UBE2D4: variants seen among roughly 807,000 people sequenced by gnomAD.
UBE2D4 encodes the protein ubiquitin-conjugating enzyme E2 D4.
A neutral mutation model predicts 23.0 loss-of-function variants in UBE2D4; 17 were observed. The observed-to-expected ratio is 0.74, with a 90% CI of 0.51 to 1.11. The LOEUF (loss-of-function observed/expected upper bound fraction) is 1.11, where lower values mean the gene tolerates loss of function less well. Among genes scored for constraint, UBE2D4 ranks in the 50% least tolerant of loss-of-function variants. The probability of loss-of-function intolerance (pLI) is 0.00; values close to 1 mark genes in which losing one functional copy is unlikely to be tolerated. For missense variants in UBE2D4, 139 were observed against 181.8 expected (o/e 0.76, Z 1.35); for synonymous variants, 61 against 69.4 (o/e 0.88, Z 0.60).
chr7:43,949,049 C>T (rs1055142102), intron 5 of UBE2D4: 7 of 434,182 alleles, frequency 1.6e-5, no homozygotes, highest in African/African-American at 6.0e-5. Context: ...GCAAATATTA[C>T]ATTACCTTCT....
chr7:43,938,513 T>C lies in UBE2D4; in HGVS notation c.88+19T>C. 6.2e-7 allele frequency: 1 copy of C among 1,613,200 alleles called. No homozygotes were observed. Among genetic ancestry groups the C allele is most frequent in the Non-Finnish European group, 8.5e-7 (1 of 1,179,212 alleles). On this transcript the variant is annotated intron_variant, in intron 2 of 6. Coordinates refer to ENST00000222402, the MANE Select transcript of UBE2D4 (RefSeq NM_015983.4). ...GATGACTGTAAGTATTTTGGGGGGC[T>C]TCAAGTTGTAGGAGCATTTTAATTA...
At chr7:43,941,399 G>A (rs2095972013) in intron 2 of UBE2D4, 1 of 152,044 alleles carries the variant, frequency 6.6e-6, no homozygotes, top group Admixed American at 6.5e-5. Context: ...AATGGGTAGA[G>A]CAGTGAAAGT....
In UBE2D4 at chr7:43,955,195, A is replaced by G. The variant is rs2096010925; in HGVS notation, c.*2500A>G. 6.6e-6 allele frequency: 1 copy of G among 152,186 alleles called. No individual in the cohort carries two copies. The allele number at this position is 152,186 out of a possible 1,614,324, so 9.4% of individuals were successfully genotyped here. The stretch of plus-strand genomic sequence containing the variant: ...CTTGTTTTAAGAGCCACTGTGGTAC[A>G]GTCAATGTAACCCACTTGTGCAGAA... On this transcript the variant is annotated 3_prime_UTR_variant, in exon 7 of 7. Transcript: ENST00000222402.
At chr7:43,927,478 T>A (rs1043648494) in intron 1 of UBE2D4, among the ~76,000 whole-genome samples, 18 of 152,004 alleles carry the variant, frequency 1.2e-4, no homozygotes, top group African/African-American at 4.1e-4. Context: ...GCCAATTGTT[T>A]ATTTTTTGTA....
chr7:43,935,785 C>T (rs918661427), intron 1 of UBE2D4, among the ~76,000 whole-genome samples: 16 of 152,322 alleles, frequency 1.1e-4, no homozygotes, highest in South Asian at 6.2e-4. Flanking sequence ...TTGATGCTCT[C>T]CCACAGTGCC....
At chr7:43,943,156 C>T (rs994763017) in intron 4 of UBE2D4, 125 bp downstream of exon 4, 3 of 920,738 alleles carry the variant, frequency 3.3e-6, no homozygotes, top group Non-Finnish European at 5.3e-6. Context: ...CACTGCTCCA[C>T]CCTGTGGTGA....
Position 43,953,260 on chromosome 7 carries a change from C to T in UBE2D4, c.*565C>T, listed in dbSNP as rs998507324. On this transcript the variant is annotated 3_prime_UTR_variant, in exon 7 of 7. Transcript: ENST00000222402. Reference sequence around the variant, plus strand: ...GCCTAGCCCTGTGGCTTCCACCAGTCTCCTCCTGCAGTGCCACGTGGTGGC... The same window carrying T: ...GCCTAGCCCTGTGGCTTCCACCAGTTTCCTCCTGCAGTGCCACGTGGTGGC... The T allele has an allele frequency of 4.4e-6, 2 of 454,112 alleles. No individual in the cohort carries two copies. The highest frequency in any genetic ancestry group is 4.0e-5 in the African/African-American group (2 of 50,008). The allele number at this position is 454,112 out of a possible 1,614,324, so 28.1% of individuals were successfully genotyped here. A position where few individuals can be genotyped will look rare whatever the true frequency, so the allele number is the denominator to read the frequency against.
chr7:43,931,427 G>C (rs1327267888), intron 1 of UBE2D4, among the ~76,000 whole-genome samples: 2 of 152,232 alleles, frequency 1.3e-5, no homozygotes, highest in Non-Finnish European at 2.9e-5. Context: ...CTGGGTGACA[G>C]AGTAAGACCG....
intron 1 of UBE2D4, among the ~76,000 whole-genome samples, chr7:43,928,384 C>A (rs2095937927): frequency 6.6e-6 from 1 of 151,546 alleles, no homozygotes; most frequent in East Asian, 1.9e-4. Flanking sequence ...GGTTTGATTG[C>A]CAGAGGTGGA....
Position 43,926,537 on chromosome 7 carries a change from C to T in UBE2D4, c.5C>T (p.Ala2Val), listed in dbSNP as rs766557323. 5 of 1,565,068 alleles carry T rather than the reference C, an allele frequency of 3.2e-6. No individual in the cohort carries two copies. The highest frequency in any genetic ancestry group is 2.8e-5 in the African/African-American group (2 of 70,880). The change falls in exon 1 of 7, where the codon GCG (alanine) becomes GTG (valine). Residue 2 changes from alanine to valine, a missense_variant. Physicochemically the swap from Ala to Val is moderately conservative, Grantham distance 64. Transcript: ENST00000222402. ...GGTCCCCGGCAGCGGGGTAGGATGG[C>T]GCTAAAGCGGATCCAGAAGGTACGC... Reference protein sequence around the residue: MALKRIQKELTD... With the variant: MVLKRIQKELTD...
intron 4 of UBE2D4, 69 bp from the exon 5 acceptor site, chr7:43,948,563 C>T (rs2095993797): frequency 9.5e-7 from 1 of 1,048,718 alleles, no homozygotes; most frequent in Admixed American, 1.8e-5. Context: ...GCAGCTGCTT[C>T]TGCTTTACTT....
At chr7:43,938,943 G>A (rs58422153) in intron 2 of UBE2D4, among the ~76,000 whole-genome samples, 6,509 of 152,266 alleles carry the variant, frequency 0.043, 509 homozygotes, top group African/African-American at 0.15. Flanking sequence ...TTTCATTTGA[G>A]GTCTAGGCCA....
At position 43,953,658 on chromosome 7, in the gene UBE2D4, G is replaced by A; in HGVS notation, c.*963G>A. ...TTGAAGCCTTAAATTACAATAGCCT[G>A]TTAGGTGATCGGCTTTCTGCCTTGG... is the stretch of plus-strand genomic sequence containing the variant. On this transcript the variant is annotated 3_prime_UTR_variant, in exon 7 of 7. Transcript: ENST00000222402. The A allele has an allele frequency of 6.3e-6, 1 of 157,950 alleles. No individual in the cohort carries two copies. Among genetic ancestry groups the A allele is most frequent in the Non-Finnish European group, 1.4e-5 (1 of 71,112 alleles). 9.8% of individuals were successfully genotyped at this position (157,950 alleles called of 1,614,324 possible).
chr7:43,928,578 G>A (rs867470788), intron 1 of UBE2D4, among the ~76,000 whole-genome samples: 4 of 152,150 alleles, frequency 2.6e-5, no homozygotes, highest in African/African-American at 7.2e-5. Context: ...CAGTGTGGCC[G>A]GAAGTGGGAC....
intron 1 of UBE2D4, among the ~76,000 whole-genome samples, chr7:43,934,891 T>A (rs1239171651): frequency 6.6e-6 from 1 of 152,226 alleles, no homozygotes; most frequent in Non-Finnish European, 1.5e-5. Flanking sequence ...TGCTAAGCTA[T>A]AATTTTAGGG....
intron 2 of UBE2D4, among the ~76,000 whole-genome samples, chr7:43,938,900 A>G (rs2095964606): frequency 6.6e-6 from 1 of 152,190 alleles, no homozygotes; most frequent in Non-Finnish European, 1.5e-5. Flanking sequence ...AAAACCAATC[A>G]ATGCTTTTCC....
At chr7:43,932,557 C>T (rs998472928) in intron 1 of UBE2D4, among the ~76,000 whole-genome samples, 2 of 152,138 alleles carry the variant, frequency 1.3e-5, no homozygotes, top group African/African-American at 4.8e-5. Flanking sequence ...CTTTGGGAGG[C>T]CGAGGTGGAT....
intron 4 of UBE2D4, among the ~76,000 whole-genome samples, chr7:43,946,795 G>GA (rs1393602197): frequency 8.3e-6 from 1 of 120,680 alleles, no homozygotes; most frequent in Non-Finnish European, 2.0e-5. Context: ...ATTCTGAGAA[G>GA]GGGGGGTCTT....
At chr7:43,934,667 A>G (rs2095954557) in intron 1 of UBE2D4, among the ~76,000 whole-genome samples, 1 of 151,774 alleles carries the variant, frequency 6.6e-6, no homozygotes, top group Non-Finnish European at 1.5e-5. Flanking sequence ...AAGAAGAAAA[A>G]GTACATTTTA....
Sources: allele counts gnomAD v4.1 joint callset (sites outside exome capture counted in the v4.1 genomes callset), GRCh38; gene constraint gnomAD v4.1.1; transcripts MANE v1.5; gene names NCBI Gene and HGNC (gene_info 2026-07-23, HGNC 2026-07-21).